The following CHL1 variants were observed in gnomAD, a reference collection of about 807,000 sequenced individuals.
The protein encoded by CHL1 is neural cell adhesion molecule L1-like protein.
In CHL1, 96 loss-of-function variants were observed where a neutral mutation model predicts 141.9. That is an observed-to-expected ratio of 0.68 (90% CI 0.57 to 0.80). CHL1 has a LOEUF of 0.80. Among genes scored for constraint, CHL1 ranks in the 30% least tolerant of loss-of-function variants. CHL1 has a pLI of 0.00. For synonymous variants in CHL1, 613 were observed against 502.2 expected, an observed-to-expected ratio of 1.22 and a Z score of -2.95; for missense variants, 1,820 against 1,457.2, an observed-to-expected ratio of 1.25 and a Z score of -4.05.
In CHL1 at chr3:290,476, G is replaced by C. The variant is rs149154270; in HGVS notation, c.-94-29207G>C. Among the ~76,000 whole-genome samples the C allele has an allele frequency of 6.9e-4, 105 of 152,260 alleles. 1 individual carries two copies. Among genetic ancestry groups the C allele is most frequent in the Non-Finnish European group, 1.2e-3 (79 of 68,024 alleles). ...GAAAAGAGAAAATGAGCTCCTTTTA[G>C]TCATCAGAAGCCAATGAAAGACCTG... On this transcript the variant is annotated intron_variant, in intron 2 of 27. Transcript: ENST00000256509.
Position 401,611 on chromosome 3 carries a change from T to G in CHL1, c.3386-15T>G. The G allele has an allele frequency of 6.6e-7, 1 of 1,510,966 alleles. No homozygotes were observed. 93.6% of individuals were successfully genotyped at this position (1,510,966 alleles called of 1,614,324 possible). A position where few individuals can be genotyped will look rare whatever the true frequency, so the allele number is the denominator to read the frequency against. ...GTCACTGTATTACTTTTCCCACTTT[T>G]TTTCTCTTTTTTAGTTAAAGAAAAG... On this transcript the variant is annotated splice_polypyrimidine_tract_variant and intron_variant, in intron 26 of 27. Coordinates refer to ENST00000256509, the MANE Select transcript of CHL1 (RefSeq NM_006614.4).
At chr3:395,621 G>A (rs905740153) in intron 24 of CHL1, among the ~76,000 whole-genome samples, 1 of 152,236 alleles carries the variant, frequency 6.6e-6, no homozygotes, top group African/African-American at 2.4e-5. Context: ...GGCATGGAAG[G>A]ATATTGGAGA....
chr3:399,341 A>G (rs1483473277), intron 26 of CHL1, among the ~76,000 whole-genome samples, 193 bp downstream of exon 26: 1 of 152,192 alleles, frequency 6.6e-6, no homozygotes, highest in Non-Finnish European at 1.5e-5. Context: ...AGTTTCTAGC[A>G]CTTAAAATGG....
At chr3:216,268 ATATCTT>A (rs1340135954) in intron 1 of CHL1, among the ~76,000 whole-genome samples, 1 of 152,190 alleles carries the variant, frequency 6.6e-6, no homozygotes, top group Admixed American at 6.5e-5. Context: ...ACCAGAAACT[ATATCTT>A]TAAGGGTGTT....
chr3:302,678 T>G (rs974762934), intron 2 of CHL1, among the ~76,000 whole-genome samples: 1 of 152,228 alleles, frequency 6.6e-6, no homozygotes, highest in Non-Finnish European at 1.5e-5. Flanking sequence ...AAAAATTTTC[T>G]CCCAATCTGT....
chr3:307,888 G>A (rs1398469314), intron 2 of CHL1, among the ~76,000 whole-genome samples: 2 of 152,224 alleles, frequency 1.3e-5, no homozygotes, highest in East Asian at 3.9e-4. Flanking sequence ...TTACCACACA[G>A]CCTATGCTAA....
At chr3:309,659 A>G (rs1211544667) in intron 2 of CHL1, among the ~76,000 whole-genome samples, 1 of 151,744 alleles carries the variant, frequency 6.6e-6, no homozygotes, top group Non-Finnish European at 1.5e-5. Context: ...ATAGGCACGT[A>G]CCCTATGCCT....
rs1575265489 is a variant in CHL1, at chr3:389,349, C to G, written c.2345C>G (p.Thr782Arg). 1.9e-6 allele frequency: 3 copies of G among 1,614,202 alleles called. No homozygotes were observed. The highest frequency in any genetic ancestry group is 1.1e-5 in the South Asian group (1 of 91,080). The change falls in exon 20 of 28, where the codon ACA becomes AGA. Residue 782 changes from threonine to arginine, a missense_variant. Physicochemically the swap from Thr to Arg is moderately conservative, Grantham distance 71. Coordinates refer to ENST00000256509, the MANE Select transcript of CHL1 (RefSeq NM_006614.4). ...GTGGAGTGGGAAGAAGAAACAGTCA[C>G]AAACCACACATTGCGGGTGATGACG... ...APVEWEEETV[T>R]NHTLRVMTPA... is the part of the protein sequence containing the mutation.
chr3:335,089 A>C (rs1044313131), intron 5 of CHL1, among the ~76,000 whole-genome samples: 1 of 152,210 alleles, frequency 6.6e-6, no homozygotes, highest in Non-Finnish European at 1.5e-5. Context: ...GTGTTAACAT[A>C]CTTCCTCAGA....
At chr3:382,989 A>G (rs1707247122) in intron 18 of CHL1, among the ~76,000 whole-genome samples, 1 of 152,226 alleles carries the variant, frequency 6.6e-6, no homozygotes, top group East Asian at 1.9e-4. Context: ...ATATGTATGC[A>G]TCTAACATTA....
chr3:221,949 T>C (rs1238281958), intron 1 of CHL1, among the ~76,000 whole-genome samples: 1 of 152,230 alleles, frequency 6.6e-6, no homozygotes, highest in Non-Finnish European at 1.5e-5. Context: ...AGAAGCAGCA[T>C]ACTTTTAACT....
intron 1 of CHL1, among the ~76,000 whole-genome samples, chr3:218,140 G>T (rs1700494736): frequency 6.6e-6 from 1 of 152,162 alleles, no homozygotes; most frequent in Non-Finnish European, 1.5e-5. Flanking sequence ...CGTGTTTTCA[G>T]GCTTCTTAAT....
Position 405,631 on chromosome 3 carries a change from G to T in CHL1, c.3595G>T (p.Gly1199Cys), listed in dbSNP as rs775345648. Residue 1199 changes from glycine (G) to cysteine (C), a missense_variant, in exon 28 of 28, where the codon GGT becomes TGT. Coordinates refer to ENST00000256509, the MANE Select transcript of CHL1 (RefSeq NM_006614.4). Reference protein sequence around the residue: ...GLFSEDGSFIGAYAGSKEKGS... With the variant: ...GLFSEDGSFICAYAGSKEKGS... ...CTTCAGTGAAGATGGATCATTTATTGGTGCCTACGCTGGATCTAAGGAGAA... is the reference window on the plus strand; with the variant it reads ...CTTCAGTGAAGATGGATCATTTATTTGTGCCTACGCTGGATCTAAGGAGAA... 6.2e-7 allele frequency: 1 copy of T among 1,613,490 alleles called. No individual in the cohort carries two copies. Among genetic ancestry groups the T allele is most frequent in the South Asian group, 1.1e-5 (1 of 91,058 alleles).
intron 2 of CHL1, among the ~76,000 whole-genome samples, chr3:319,247 G>A (rs551042622): frequency 1.3e-5 from 2 of 149,528 alleles, no homozygotes; most frequent in East Asian, 3.9e-4. Context: ...AAGGAGTGAG[G>A]ATTGAAAAAC....
intron 9 of CHL1, among the ~76,000 whole-genome samples, chr3:346,359 T>C (rs947965597): frequency 6.6e-6 from 1 of 152,220 alleles, no homozygotes; most frequent in South Asian, 2.1e-4. Context: ...TGAATCATGA[T>C]GGCAACAACC....
chr3:306,316 A>G (rs1257906287), intron 2 of CHL1, among the ~76,000 whole-genome samples: 1 of 152,158 alleles, frequency 6.6e-6, no homozygotes, highest in Non-Finnish European at 1.5e-5. Flanking sequence ...CTTGAATAGA[A>G]TACGTTTGCT....
intron 1 of CHL1, among the ~76,000 whole-genome samples, chr3:242,453 C>G (rs6809286): frequency 0.061 from 8,528 of 139,772 alleles, 762 homozygotes; most frequent in African/African-American, 0.19. Context: ...AAAATTATCC[C>G]GGCGTGGTGG....
In CHL1 at chr3:293,174, C is replaced by T. The variant is rs148927514; in HGVS notation, c.-94-26509C>T. Reference sequence around the variant, plus strand: ...TTAAATAATAAATGATTTATGCATTCATTCAAATTTAGAATGCTGAGGAAT... The same window carrying T: ...TTAAATAATAAATGATTTATGCATTTATTCAAATTTAGAATGCTGAGGAAT... On this transcript the variant is annotated intron_variant, in intron 2 of 27. Coordinates refer to ENST00000256509, the MANE Select transcript of CHL1 (RefSeq NM_006614.4). 8.5e-4 allele frequency among the ~76,000 whole-genome samples: 129 copies of T among 152,272 alleles called. 1 individual carries two copies. The highest frequency in any genetic ancestry group is 2.6e-3 in the African/African-American group (110 of 41,552).
In CHL1 at chr3:391,729, C is replaced by G; in HGVS notation, c.2846C>G (p.Thr949Ser). 1.2e-6 allele frequency: 2 copies of G among 1,606,140 alleles called. No individual in the cohort carries two copies. The highest frequency in any genetic ancestry group is 1.7e-6 in the Non-Finnish European group (2 of 1,174,398). ...KVIKVDKDTATLSWGLPKKLN... is the reference protein window; with the variant it reads ...KVIKVDKDTASLSWGLPKKLN... ...ATCAAAGTTGATAAAGACACTGCCA[C>G]TTTATCTTGGGGACTACCTAAGAAA... Residue 949 changes from threonine to serine, a missense_variant, in exon 23 of 28, where the codon ACT (threonine) becomes AGT (serine). Coordinates refer to ENST00000256509, the MANE Select transcript of CHL1 (RefSeq NM_006614.4).
Sources: allele counts gnomAD v4.1 joint callset (sites outside exome capture counted in the v4.1 genomes callset), GRCh38; gene constraint gnomAD v4.1.1; transcripts MANE v1.5; gene names NCBI Gene and HGNC (gene_info 2026-07-23, HGNC 2026-07-21).